Variants in CACNB2 observed in about 807,000 individuals in gnomAD.
CACNB2 encodes voltage-dependent L-type calcium channel subunit beta-2.
Under a neutral mutation model 73.3 loss-of-function variants are expected in CACNB2, and 42 were observed. That is an observed-to-expected ratio of 0.57 (90% CI 0.45 to 0.74). The LOEUF (loss-of-function observed/expected upper bound fraction) is 0.74, where lower values mean the gene tolerates loss of function less well. Among genes scored for constraint, CACNB2 ranks in the 30% least tolerant of loss-of-function variants. CACNB2 has a pLI of 0.00. For missense variants in CACNB2, 940 were observed against 853.0 expected (o/e 1.10, Z -1.27); for synonymous variants, 348 against 310.3 (o/e 1.12, Z -1.28).
chr10:18,535,813 T>C (rs2053516718), intron 11 of CACNB2, among the ~76,000 whole-genome samples: 1 of 152,028 alleles, frequency 6.6e-6, no homozygotes, highest in Non-Finnish European at 1.5e-5. Flanking sequence ...ATCAGATTTA[T>C]TGTGAATTTT....
chr10:18,345,546 T>C (rs1459576843), intron 2 of CACNB2, among the ~76,000 whole-genome samples: 1 of 152,222 alleles, frequency 6.6e-6, no homozygotes, highest in Non-Finnish European at 1.5e-5. Flanking sequence ...CGTCTGTCTC[T>C]GTATGGGGGA....
At chr10:18,164,440 A>C (rs568161237) in intron 2 of CACNB2, among the ~76,000 whole-genome samples, 21 of 152,304 alleles carry the variant, frequency 1.4e-4, no homozygotes, top group African/African-American at 5.1e-4. Flanking sequence ...GCCCTTTACC[A>C]TGAGTAATTA....
chr10:18,408,638 A>G (rs549357257), intron 3 of CACNB2, among the ~76,000 whole-genome samples: 2 of 152,236 alleles, frequency 1.3e-5, no homozygotes, highest in East Asian at 3.9e-4. Context: ...CAAGCCTAAA[A>G]CCAAGATGCT....
chr10:18,265,529 T>A (rs2037756761), intron 2 of CACNB2, among the ~76,000 whole-genome samples: 1 of 152,174 alleles, frequency 6.6e-6, no homozygotes. Context: ...AGAAAAGAAC[T>A]GGCAAGGAGA....
intron 2 of CACNB2, among the ~76,000 whole-genome samples, chr10:18,184,410 T>G (rs1282462083): frequency 6.6e-6 from 1 of 152,228 alleles, no homozygotes; most frequent in Non-Finnish European, 1.5e-5. Context: ...TACAGAAATC[T>G]CATAAGCCCT....
chr10:18,284,563 A>G (rs543295855), intron 2 of CACNB2, among the ~76,000 whole-genome samples: 1 of 152,318 alleles, frequency 6.6e-6, no homozygotes, highest in East Asian at 1.9e-4. Flanking sequence ...GCTGAATCCC[A>G]TCAAGGAACA....
intron 3 of CACNB2, among the ~76,000 whole-genome samples, chr10:18,432,396 T>A (rs2045929529): frequency 6.6e-6 from 1 of 152,132 alleles, no homozygotes; most frequent in South Asian, 2.1e-4. Flanking sequence ...GATAATCACA[T>A]AAGTTAAAAC....
intron 2 of CACNB2, among the ~76,000 whole-genome samples, chr10:18,398,010 G>A (rs886316971): frequency 1.7e-4 from 26 of 152,250 alleles, no homozygotes; most frequent in African/African-American, 4.3e-4. Flanking sequence ...AGCTAATCAC[G>A]TTGTAAGAGC....
In CACNB2 at chr10:18,364,886, G is replaced by T. The variant is rs1342702055; in HGVS notation, c.214-37038G>T. Among the ~76,000 whole-genome samples the T allele has an allele frequency of 3.9e-5, 6 of 152,088 alleles. No homozygotes were observed. The South Asian group carries it at 6.2e-4, about 16-fold the overall frequency. Reference sequence around the variant, plus strand: ...TTAGTATGTATAATAGGGTTTAAAAGTGATCGGAGATTAAAGAATTATCAT... The same window carrying T: ...TTAGTATGTATAATAGGGTTTAAAATTGATCGGAGATTAAAGAATTATCAT... On this transcript the variant is annotated intron_variant, in intron 2 of 13. Transcript: ENST00000324631.
chr10:18,247,012 G>A (rs755291623), intron 2 of CACNB2, among the ~76,000 whole-genome samples: 2 of 152,120 alleles, frequency 1.3e-5, no homozygotes, highest in African/African-American at 2.4e-5. Flanking sequence ...CTGACCGTAG[G>A]TAAGATGCAG....
intron 2 of CACNB2, among the ~76,000 whole-genome samples, chr10:18,167,760 A>T: frequency 6.6e-6 from 1 of 152,102 alleles, no homozygotes. Flanking sequence ...CTTGCTCATA[A>T]TCTCTATCAT....
intron 3 of CACNB2, among the ~76,000 whole-genome samples, chr10:18,430,816 T>C (rs1028208814): frequency 1.1e-4 from 16 of 152,226 alleles, no homozygotes; most frequent in African/African-American, 3.9e-4. Flanking sequence ...GAAAAGTACA[T>C]ATTACTTGAT....
chr10:18,517,522 C>G (rs1440938841), intron 7 of CACNB2, among the ~76,000 whole-genome samples: 1 of 152,122 alleles, frequency 6.6e-6, no homozygotes, highest in Admixed American at 6.5e-5. Context: ...AGTTATCTGA[C>G]AGAAAACTAC....
intron 1 of CACNB2, among the ~76,000 whole-genome samples, chr10:18,141,668 GT>G (rs1318658042): frequency 1.8e-5 from 2 of 111,282 alleles, no homozygotes; most frequent in African/African-American, 3.6e-5. Flanking sequence ...TGACAAGGTG[GT>G]TTTTACGTTT....
At chr10:18,361,219 TC>T (rs2042123731) in intron 2 of CACNB2, among the ~76,000 whole-genome samples, 1 of 151,928 alleles carries the variant, frequency 6.6e-6, no homozygotes, top group Admixed American at 6.6e-5. Flanking sequence ...AGTAGACTTT[TC>T]AAAAATTCCA....
rs1554824204 is a variant in CACNB2 at position 18,464,418 on chromosome 10, T to TAAAATAAAAAAAAAAAAAAAAAAAAAAA, written c.334-33933_334-33932insTAAAAAAAAAAAAAAAAAAAAAAAAAAA. Among the ~76,000 whole-genome samples, 118 of 85,278 alleles carry TAAAATAAAAAAAAAAAAAAAAAAAAAAA rather than the reference T, an allele frequency of 1.4e-3. 6 individuals are homozygous for TAAAATAAAAAAAAAAAAAAAAAAAAAAA. The highest frequency in any genetic ancestry group is 3.7e-3 in the South Asian group (7 of 1,886). The allele number at this position is 85,278 out of a possible 152,430, so 55.9% of individuals were successfully genotyped here. ...CAGAGTGAGACCCTGTCTCAAAAAT[T>TAAAATAAAAAAAAAAAAAAAAAAAAAAA]AAAAAAAAAAAAAAAAAAAAAAGAA... On this transcript the variant is annotated intron_variant, in intron 3 of 13. Transcript: ENST00000324631.
At chr10:18,437,950 C>T (rs1256755785) in intron 3 of CACNB2, among the ~76,000 whole-genome samples, 1 of 147,590 alleles carries the variant, frequency 6.8e-6, no homozygotes, top group Non-Finnish European at 1.5e-5. Flanking sequence ...TGTATTAAAA[C>T]TCAGGGGAAT....
intron 3 of CACNB2, among the ~76,000 whole-genome samples, chr10:18,497,163 A>G (rs1394254911): frequency 6.0e-5 from 9 of 150,748 alleles, no homozygotes; most frequent in Non-Finnish European, 1.2e-4. Flanking sequence ...AGTGAGCTGA[A>G]ATTGCACCAC....
intron 3 of CACNB2, among the ~76,000 whole-genome samples, chr10:18,473,192 G>T (rs1178031488): frequency 1.3e-5 from 2 of 152,144 alleles, no homozygotes; most frequent in Admixed American, 1.3e-4. Flanking sequence ...TACTTTTCAG[G>T]TGGGGCCCCG....
Sources: gnomAD v4.1 joint callset for allele counts (sites outside exome capture counted in the v4.1 genomes callset) on GRCh38, gnomAD v4.1.1 for gene constraint, MANE v1.5 for transcripts, NCBI Gene and HGNC (gene_info 2026-07-23, HGNC 2026-07-21) for gene names.